Variants in TRIM55 observed in about 807,000 individuals in gnomAD.
TRIM55 encodes tripartite motif containing 55, also known as tripartite motif-containing protein 55.
Under a neutral mutation model 60.9 loss-of-function variants are expected in TRIM55, and 50 were observed. The observed-to-expected ratio is 0.82, with a 90% CI of 0.65 to 1.04. The LOEUF (loss-of-function observed/expected upper bound fraction) is 1.04, where lower values mean the gene tolerates loss of function less well. Among genes scored for constraint, TRIM55 ranks in the 50% least tolerant of loss-of-function variants. TRIM55 has a pLI of 0.00. For missense variants in TRIM55, 681 were observed against 666.9 expected, an observed-to-expected ratio of 1.02 and a Z score of -0.23; for synonymous variants, 237 against 238.1, an observed-to-expected ratio of 1.00 and a Z score of 0.04.
the TRIM55 span, among the ~76,000 whole-genome samples, chr8:66,117,973 T>C: frequency 6.6e-6 from 1 of 151,514 alleles, no homozygotes; most frequent in African/African-American, 2.4e-5. Flanking sequence ...GAGCCCATCC[T>C]GGCTAACACG....
At position 66,127,291 on chromosome 8, in the gene TRIM55, A is replaced by G. The variant is rs1194581658; in HGVS notation, c.23A>G (p.Lys8Arg). The change falls in exon 1 of 10, where the codon AAA (lysine) becomes AGA (arginine). Residue 8 changes from lysine (K) to arginine (R), a missense_variant. By Grantham distance (26) the Lys-to-Arg change is conservative. Coordinates refer to ENST00000315962, the MANE Select transcript of TRIM55 (RefSeq NM_184085.2). The stretch of plus-strand genomic sequence containing the variant: ...GAGATGAGCGCATCTCTGAATTACA[A>G]ATCTTTTTCCAAAGAGCAGCAGACC... MSASLNY[K>R]SFSKEQQTMD... The G allele has an allele frequency of 3.7e-6, 6 of 1,614,124 alleles. No homozygotes were observed. Among genetic ancestry groups the G allele is most frequent in the Middle Eastern group, 1.6e-4 (1 of 6,062 alleles).
chr8:66,136,451 T>C (rs1164621978), intron 3 of TRIM55, among the ~76,000 whole-genome samples: 1 of 152,076 alleles, frequency 6.6e-6, no homozygotes, highest in Non-Finnish European at 1.5e-5. Flanking sequence ...CACAGAGAAG[T>C]TGGGGGTAGA....
At position 66,170,498 on chromosome 8, in the gene TRIM55, G is replaced by A. The variant is rs970291528; in HGVS notation, c.1525-3973G>A. ...TGTATGCATGACATTTTGTTTATCT[G>A]CTTCTCCAAGGATGGACTCTTGGGT... On this transcript the variant is annotated intron_variant, in intron 9 of 9. Coordinates refer to ENST00000315962, the MANE Select transcript of TRIM55 (RefSeq NM_184085.2). Among the ~76,000 whole-genome samples, 3 of 152,222 alleles carry A rather than the reference G, an allele frequency of 2.0e-5. 1 individual carries two copies. The highest frequency in any genetic ancestry group is 1.9e-4 in the East Asian group (1 of 5,180).
chr8:66,149,969 G>A (rs1810317814), intron 5 of TRIM55, 91 bp downstream of exon 5: 1 of 1,128,706 alleles, frequency 8.9e-7, no homozygotes, highest in Non-Finnish European at 1.3e-6. Flanking sequence ...GTACATTTCA[G>A]TTTTTATTTA....
At chr8:66,124,632 T>C (rs192656657), upstream of TRIM55, among the ~76,000 whole-genome samples, 1 of 152,280 alleles carries the variant, frequency 6.6e-6, no homozygotes, top group East Asian at 1.9e-4. Context: ...AAAATAAATA[T>C]TGGTATCCCA....
chr8:66,137,515 G>T (rs946792865), intron 4 of TRIM55, among the ~76,000 whole-genome samples: 1 of 152,290 alleles, frequency 6.6e-6, no homozygotes, highest in South Asian at 2.1e-4. Flanking sequence ...AAACTTTCCT[G>T]GTGGAAATCC....
chr8:66,114,249 C>T, the TRIM55 span, among the ~76,000 whole-genome samples: 2 of 152,130 alleles, frequency 1.3e-5, no homozygotes, highest in Non-Finnish European at 2.9e-5. Context: ...GGGATCGATG[C>T]CCGCATCCTC....
At chr8:66,140,693 C>T (rs1300004276) in intron 4 of TRIM55, among the ~76,000 whole-genome samples, 1 of 152,220 alleles carries the variant, frequency 6.6e-6, no homozygotes, top group African/African-American at 2.4e-5. Context: ...CAAACCAGGT[C>T]CTTGGCTTGC....
At chr8:66,152,841 A>G (rs1349127065) in intron 8 of TRIM55, among the ~76,000 whole-genome samples, 1 of 152,124 alleles carries the variant, frequency 6.6e-6, no homozygotes, top group Non-Finnish European at 1.5e-5. Flanking sequence ...TTAGTTAACA[A>G]AATTTAATAC....
At chr8:66,116,668 G>A in the TRIM55 span, among the ~76,000 whole-genome samples, 11 of 69,396 alleles carry the variant, frequency 1.6e-4, no homozygotes, top group African/African-American at 3.1e-3. Flanking sequence ...GTTAACAACA[G>A]TAATGATCTC....
the TRIM55 span, among the ~76,000 whole-genome samples, chr8:66,118,041 C>T: frequency 2.0e-4 from 30 of 150,450 alleles, no homozygotes; most frequent in East Asian, 3.9e-4. Flanking sequence ...TGGTGGCGGG[C>T]CCCTGTAGTC....
intron 9 of TRIM55, among the ~76,000 whole-genome samples, chr8:66,164,184 A>G (rs1387900093): frequency 2.0e-5 from 3 of 152,120 alleles, no homozygotes. Context: ...GTTATTCCAC[A>G]TGGCAGGCCA....
chr8:66,146,921 C>T (rs1370200363), intron 4 of TRIM55, among the ~76,000 whole-genome samples: 1 of 152,154 alleles, frequency 6.6e-6, no homozygotes, highest in African/African-American at 2.4e-5. Context: ...TTCATCCCCT[C>T]CTCAACCTCC....
At chr8:66,169,574 A>C (rs908842257) in intron 9 of TRIM55, among the ~76,000 whole-genome samples, 1 of 152,272 alleles carries the variant, frequency 6.6e-6, no homozygotes. Context: ...AGAAGGTAAC[A>C]TGAATGAAAA....
chr8:66,127,672 C>T (rs1032044337), intron 1 of TRIM55, among the ~76,000 whole-genome samples: 13 of 141,926 alleles, frequency 9.2e-5, no homozygotes, highest in Non-Finnish European at 6.2e-5. Context: ...ACTAAAAATA[C>T]AAAAAAAAAA....
intron 9 of TRIM55, among the ~76,000 whole-genome samples, chr8:66,171,430 T>TAA (rs1811626487): frequency 6.6e-6 from 1 of 152,252 alleles, no homozygotes; most frequent in Non-Finnish European, 1.5e-5. Flanking sequence ...GATCTTGTTC[T>TAA]TTTTTATGTC....
Position 66,149,711 on chromosome 8 carries a change from G to T in TRIM55, c.670G>T (p.Glu224Ter), listed in dbSNP as rs557494202. The T allele has an allele frequency of 6.2e-7, 1 of 1,614,198 alleles. No homozygotes were observed. Among genetic ancestry groups the T allele is most frequent in the Admixed American group, 1.7e-5 (1 of 60,032 alleles). Residue 224 changes from glutamate to a stop codon, truncating the protein, a stop_gained, in exon 5 of 10, where the codon GAG (glutamate) becomes TAG (stop). Transcript: ENST00000315962. LOFTEE classifies it high-confidence loss of function. The stretch of plus-strand genomic sequence containing the variant: ...TGATTACCTGTATGGCATTTTGGAG[G>T]AGAGGAAGAATGAAATGACCCAAGT... ...KFDYLYGILE[E>*]RKNEMTQVIT...
At chr8:66,163,992 T>G (rs1811183724) in intron 9 of TRIM55, among the ~76,000 whole-genome samples, 1 of 151,746 alleles carries the variant, frequency 6.6e-6, no homozygotes, top group South Asian at 2.1e-4. Context: ...CTTGAAGAAT[T>G]GATTCCAAGA....
chr8:66,171,267 C>G (rs1181647738), intron 9 of TRIM55, among the ~76,000 whole-genome samples: 1 of 151,730 alleles, frequency 6.6e-6, no homozygotes, highest in Non-Finnish European at 1.5e-5. Context: ...CCGAAAGGCC[C>G]CAGTGTGTGT....
Sources: allele counts gnomAD v4.1 joint callset (sites outside exome capture counted in the v4.1 genomes callset), GRCh38; gene constraint gnomAD v4.1.1; transcripts MANE v1.5; gene names NCBI Gene and HGNC (gene_info 2026-07-23, HGNC 2026-07-21).